The following NELL1 variants were observed in gnomAD, a reference collection of about 807,000 sequenced individuals.
NELL1 encodes the protein neural EGFL like 1, also known as protein kinase C-binding protein NELL1.
Under a neutral mutation model 107.4 loss-of-function variants are expected in NELL1, and 76 were observed. That is an observed-to-expected ratio of 0.71 (90% CI 0.59 to 0.86). The LOEUF is 0.86. Among genes scored for constraint, NELL1 ranks in the 40% least tolerant of loss-of-function variants. The pLI is 0.00. For synonymous variants in NELL1, 353 were observed against 341.2 expected (o/e 1.03, Z -0.38); for missense variants, 1,024 against 1,005.5 (o/e 1.02, Z -0.25).
At chr11:21,400,736 C>G (rs1451128770) in intron 15 of NELL1, among the ~76,000 whole-genome samples, 1 of 151,896 alleles carries the variant, frequency 6.6e-6, no homozygotes, top group African/African-American at 2.4e-5. Context: ...TTCAGTTTCA[C>G]GAATACGTCA....
chr11:20,863,481 C>G (rs1380692668), intron 4 of NELL1, among the ~76,000 whole-genome samples: 1 of 135,306 alleles, frequency 7.4e-6, no homozygotes, highest in African/African-American at 2.7e-5. Flanking sequence ...GGCGGCCGGG[C>G]AGAGACGCTC....
chr11:20,842,656 T>C (rs1461145433), intron 3 of NELL1, among the ~76,000 whole-genome samples: 4 of 152,204 alleles, frequency 2.6e-5, no homozygotes, highest in Non-Finnish European at 4.4e-5. Context: ...CCATACAAAG[T>C]TGGGCAAGTT....
intron 15 of NELL1, among the ~76,000 whole-genome samples, chr11:21,522,830 T>TTTC (rs1564939284): frequency 1.5e-5 from 2 of 129,264 alleles, no homozygotes; most frequent in Admixed American, 8.9e-5. Flanking sequence ...TATTTTTTTC[T>TTTC]TTTCTTTTTT....
At chr11:21,075,479 T>C (rs1056018732) in intron 12 of NELL1, among the ~76,000 whole-genome samples, 4 of 152,116 alleles carry the variant, frequency 2.6e-5, no homozygotes, top group Non-Finnish European at 4.4e-5. Context: ...GTTTGTTTGT[T>C]TTTTGAGACA....
chr11:20,954,159 A>G (rs975706090), intron 11 of NELL1, among the ~76,000 whole-genome samples: 1 of 152,200 alleles, frequency 6.6e-6, no homozygotes, highest in African/African-American at 2.4e-5. Flanking sequence ...AAACTCTTAT[A>G]ACAATTTTAT....
chr11:20,742,059 G>A (rs963945974), intron 2 of NELL1, among the ~76,000 whole-genome samples: 1 of 152,204 alleles, frequency 6.6e-6, no homozygotes, highest in African/African-American at 2.4e-5. Flanking sequence ...AGAAACCAGC[G>A]AAGGAGCATT....
intron 14 of NELL1, among the ~76,000 whole-genome samples, chr11:21,369,089 C>G (rs1301855298): frequency 2.6e-5 from 4 of 152,042 alleles, no homozygotes. Context: ...GTCTGCAAAA[C>G]TTAGATGAAG....
At position 20,677,967 on chromosome 11, in the gene NELL1, G is replaced by A; in HGVS notation, c.91G>A (p.Asp31Asn). ...GFGMDPDLQMDIVTELDLVNT... is the reference protein window; with the variant it reads ...GFGMDPDLQMNIVTELDLVNT... Reference sequence around the variant, plus strand: ...TGGGATGGACCCTGACCTTCAGATGGATATCGTCACCGAGCTTGACCTTGT... The same window carrying A: ...TGGGATGGACCCTGACCTTCAGATGAATATCGTCACCGAGCTTGACCTTGT... Residue 31 changes from aspartate to asparagine, a missense_variant, in exon 2 of 20, where the codon GAT becomes AAT. Transcript: ENST00000357134. 6.2e-7 allele frequency: 1 copy of A among 1,614,094 alleles called. No homozygotes were observed.
chr11:20,837,701 TAGCTGAAAAACGTCCAAC>T (rs1848558473), intron 3 of NELL1, among the ~76,000 whole-genome samples: 1 of 152,002 alleles, frequency 6.6e-6, no homozygotes, highest in Non-Finnish European at 1.5e-5. Flanking sequence ...TCAAAGAAAC[TAGCTGAAAAACGTCCAAC>T]AGCTAAAGCT....
chr11:20,670,235 C>T (rs1037618582), intron 1 of NELL1, among the ~76,000 whole-genome samples: 1 of 152,108 alleles, frequency 6.6e-6, no homozygotes, highest in East Asian at 1.9e-4. Context: ...GCGGGCGCGG[C>T]CGGGGCCCGG....
intron 16 of NELL1, among the ~76,000 whole-genome samples, chr11:21,542,619 G>A (rs1856318257): frequency 2.0e-5 from 3 of 151,862 alleles, no homozygotes; most frequent in Admixed American, 2.0e-4. Context: ...ACTACTACTG[G>A]GATATCCACT....
intron 15 of NELL1, among the ~76,000 whole-genome samples, chr11:21,456,449 C>T (rs1181060212): frequency 6.6e-6 from 1 of 151,964 alleles, no homozygotes; most frequent in Non-Finnish European, 1.5e-5. Flanking sequence ...TTAGGGATCA[C>T]TATCATACAC....
At chr11:21,317,570 T>C (rs184162570) in intron 14 of NELL1, among the ~76,000 whole-genome samples, 19 of 151,942 alleles carry the variant, frequency 1.3e-4, no homozygotes, top group Admixed American at 9.8e-4. Context: ...GAGGATATTT[T>C]ATATGTTCCT....
chr11:21,045,934 G>A (rs1853343263), intron 12 of NELL1, among the ~76,000 whole-genome samples: 2 of 152,032 alleles, frequency 1.3e-5, no homozygotes, highest in Admixed American at 1.3e-4. Flanking sequence ...TCTTGTTAAT[G>A]TTATTTCTGG....
At chr11:21,535,716 A>G (rs1856120304) in intron 16 of NELL1, among the ~76,000 whole-genome samples, 1 of 152,208 alleles carries the variant, frequency 6.6e-6, no homozygotes, top group Non-Finnish European at 1.5e-5. Flanking sequence ...GTGAAATTGA[A>G]ATAATGTTTA....
intron 14 of NELL1, among the ~76,000 whole-genome samples, chr11:21,362,967 C>T (rs570987446): frequency 2.7e-4 from 41 of 152,066 alleles, no homozygotes; most frequent in Non-Finnish European, 4.7e-4. Context: ...TGGGGGATAG[C>T]GAGAGGTCTC....
chr11:20,944,126 A>G (rs896251795), intron 10 of NELL1, among the ~76,000 whole-genome samples: 2 of 152,224 alleles, frequency 1.3e-5, no homozygotes, highest in African/African-American at 2.4e-5. Context: ...AAATGGTATT[A>G]TGAAGTATTA....
rs150472633 is a variant in NELL1 at position 20,729,368 on chromosome 11, C to A, written c.184+51308C>A. 3.1e-3 allele frequency among the ~76,000 whole-genome samples: 471 copies of A among 152,164 alleles called. 1 individual carries two copies. The highest frequency in any genetic ancestry group is 0.011 in the African/African-American group (452 of 41,522). On this transcript the variant is annotated intron_variant, in intron 2 of 19. Transcript: ENST00000357134. ...GTTGAACAGGAGTGGTGAGAGTGAG[C>A]TTTATTATCTTGTGACAGTTCTCAA...
intron 12 of NELL1, among the ~76,000 whole-genome samples, chr11:21,111,375 C>T (rs993636284): frequency 2.0e-5 from 3 of 152,070 alleles, no homozygotes; most frequent in African/African-American, 7.2e-5. Context: ...TCTATAGTTT[C>T]CCTACCTTCA....
Sources: allele counts gnomAD v4.1 joint callset (sites outside exome capture counted in the v4.1 genomes callset), GRCh38; gene constraint gnomAD v4.1.1; transcripts MANE v1.5; gene names NCBI Gene and HGNC (gene_info 2026-07-23, HGNC 2026-07-21).